Variants in LHCGR observed in about 807,000 individuals in gnomAD.
LHCGR encodes the protein lutropin-choriogonadotropic hormone receptor.
Under a neutral mutation model 60.7 loss-of-function variants are expected in LHCGR, and 55 were observed. The ratio of observed to expected loss-of-function variants is 0.91; its 90% CI spans 0.73 to 1.13. The LOEUF (loss-of-function observed/expected upper bound fraction) is 1.13. Ranked by LOEUF, LHCGR falls within the 50% of genes most tolerant of loss-of-function variation. The pLI is 0.00. For missense variants in LHCGR, 862 were observed against 836.0 expected (o/e 1.03, Z -0.38); for synonymous variants, 337 against 316.5 (o/e 1.06, Z -0.69).
intron 1 of LHCGR, among the ~76,000 whole-genome samples, chr2:48,740,383 G>C (rs1669392459): frequency 6.6e-6 from 1 of 152,236 alleles, no homozygotes; most frequent in African/African-American, 2.4e-5. Flanking sequence ...TCCACCTCTG[G>C]GGGCAGGGCA....
chr2:48,689,573 G>T (rs1404681998), intron 10 of LHCGR, among the ~76,000 whole-genome samples: 2 of 152,162 alleles, frequency 1.3e-5, no homozygotes, highest in Non-Finnish European at 2.9e-5. Flanking sequence ...AGGAAGAGAT[G>T]GTGAAAACAT....
intron 6 of LHCGR, among the ~76,000 whole-genome samples, chr2:48,714,267 C>G (rs1351552702): frequency 6.6e-6 from 1 of 152,124 alleles, no homozygotes; most frequent in East Asian, 1.9e-4. Context: ...TGATTTAATC[C>G]TCATCATCAT....
chr2:48,751,358 A>G (rs983256462), intron 1 of LHCGR, among the ~76,000 whole-genome samples: 6 of 152,180 alleles, frequency 3.9e-5, no homozygotes, highest in African/African-American at 1.2e-4. Flanking sequence ...AATTTATTCA[A>G]CCTTCTTCCT....
intron 1 of LHCGR, among the ~76,000 whole-genome samples, chr2:48,746,404 A>G (rs1049671401): frequency 6.6e-6 from 1 of 152,192 alleles, no homozygotes; most frequent in Non-Finnish European, 1.5e-5. Flanking sequence ...GACTCTTCTG[A>G]TAGCCTTTTT....
chr2:48,707,933 C>T (rs567774888), intron 8 of LHCGR, among the ~76,000 whole-genome samples: 3 of 152,148 alleles, frequency 2.0e-5, no homozygotes, highest in Non-Finnish European at 2.9e-5. Context: ...CAGTCTCTCA[C>T]AGCTTCCCTT....
rs372359998 is a variant in LHCGR at position 48,688,528 on chromosome 2, C to T, written c.1269G>A (p.Lys423=). ...LLIASVDSQT[K]GQYYNHAIDW... The stretch of plus-strand genomic sequence containing the variant: ...CTATGGCATGGTTATAGTACTGGCC[C>T]TTGGTTTGGGAATCAACTGAGGCTA... The change falls in exon 11 of 11, where the codon AAG becomes AAA. Residue 423 remains lysine (K), a synonymous_variant. Coordinates refer to ENST00000294954, the MANE Select transcript of LHCGR (RefSeq NM_000233.4). This position sits in a 1 kb window ranked among gnomAD's most constrained non-coding sequence, Gnocchi z 5.2. The T allele has an allele frequency of 3.7e-6, 6 of 1,614,098 alleles. No homozygotes were observed. The East Asian group carries it at 8.9e-5, about 24-fold the overall frequency.
intron 6 of LHCGR, 141 bp from the exon 7 acceptor site, chr2:48,714,195 A>G (rs1668129111): frequency 1.3e-5 from 9 of 695,494 alleles, no homozygotes; most frequent in East Asian, 2.7e-5. Context: ...CACCACCACC[A>G]TCAATTTATT....
intron 1 of LHCGR, among the ~76,000 whole-genome samples, chr2:48,739,505 C>A (rs1460391204): frequency 6.6e-6 from 1 of 152,120 alleles, no homozygotes; most frequent in Non-Finnish European, 1.5e-5. Flanking sequence ...AGTTCATGTC[C>A]TTTGTAGGGA....
chr2:48,737,258 T>A (rs1669241407), intron 1 of LHCGR, among the ~76,000 whole-genome samples: 1 of 152,230 alleles, frequency 6.6e-6, no homozygotes, highest in Non-Finnish European at 1.5e-5. Context: ...TTTCCACAGA[T>A]AATGAGTTTA....
chr2:48,717,053 G>A (rs557086815), intron 6 of LHCGR, among the ~76,000 whole-genome samples: 78 of 152,060 alleles, frequency 5.1e-4, no homozygotes, highest in Non-Finnish European at 9.1e-4. Flanking sequence ...ATTCCCATGG[G>A]GCAAATCAGA....
Position 48,708,957 on chromosome 2 carries a change from GGCCCT to G in LHCGR, c.666_670del (p.Gly223GlufsTer59). The G allele has an allele frequency of 6.2e-7, 1 of 1,613,882 alleles. No individual in the cohort carries two copies. Among genetic ancestry groups the G allele is most frequent in the African/African-American group, 1.3e-5 (1 of 75,054 alleles). ...GCACCATTCTACTCACAAGGTTTTC[GGCCCT>G]GTGGCCCCACGGAAGGCTCCATTGT... On this transcript the variant is annotated frameshift_variant, in exon 8 of 11. Coordinates refer to ENST00000294954, the MANE Select transcript of LHCGR (RefSeq NM_000233.4). LOFTEE classifies it high-confidence loss of function.
intron 1 of LHCGR, among the ~76,000 whole-genome samples, chr2:48,746,730 C>T (rs539953226): frequency 1.1e-4 from 17 of 152,314 alleles, no homozygotes; most frequent in Middle Eastern, 6.8e-3. Context: ...TAAGCCCTTA[C>T]TCAAAACCCA....
At chr2:48,703,540 G>T (rs998910771) in intron 8 of LHCGR, among the ~76,000 whole-genome samples, 1 of 151,992 alleles carries the variant, frequency 6.6e-6, no homozygotes, top group East Asian at 1.9e-4. Context: ...AATGCCATTT[G>T]TTTGTGTCCT....
intron 7 of LHCGR, among the ~76,000 whole-genome samples, chr2:48,711,497 AACAGTGAGAT>A (rs1354657927): frequency 6.6e-6 from 1 of 152,184 alleles, no homozygotes. Context: ...TCTTTCTTGC[AACAGTGAGAT>A]ACAGGGTATA....
At chr2:48,740,879 A>G (rs1487153710) in intron 1 of LHCGR, among the ~76,000 whole-genome samples, 2 of 151,880 alleles carry the variant, frequency 1.3e-5, no homozygotes, top group Non-Finnish European at 3.0e-5. Context: ...GGCTTCAGAC[A>G]ATCAAATTAC....
chr2:48,708,879 G>A (rs1443654103), intron 8 of LHCGR, 69 bp downstream of exon 8: 19 of 1,181,020 alleles, frequency 1.6e-5, no homozygotes, highest in Non-Finnish European at 2.2e-5. Context: ...GGATGATGTG[G>A]AGGGACACCC....
chr2:48,711,242 T>C (rs2104424960), intron 7 of LHCGR, among the ~76,000 whole-genome samples: 1 of 152,304 alleles, frequency 6.6e-6, no homozygotes, highest in Admixed American at 6.5e-5. Flanking sequence ...CTCTCTCAGA[T>C]CTCAGTAACA....
chr2:48,723,422 G>C (rs766551430), intron 6 of LHCGR, 34 bp downstream of exon 6: 3 of 1,446,666 alleles, frequency 2.1e-6, no homozygotes, highest in Admixed American at 1.7e-5. Context: ...GCAGGAGGCT[G>C]TATGGCAGAA....
chr2:48,708,921 GA>G, intron 8 of LHCGR, 26 bp downstream of exon 8: 2 of 1,591,242 alleles, frequency 1.3e-6, no homozygotes, highest in Non-Finnish European at 1.7e-6. Context: ...ACTGGGCAGG[GA>G]GGGGAGGCAG....
Sources: allele counts gnomAD v4.1 joint callset (sites outside exome capture counted in the v4.1 genomes callset), GRCh38; gene constraint gnomAD v4.1.1; non-coding constraint Gnocchi (gnomAD v3.1); transcripts MANE v1.5; gene names NCBI Gene and HGNC (gene_info 2026-07-23, HGNC 2026-07-21).